Variants in PREX1 observed in about 807,000 individuals in gnomAD.
PREX1 encodes the protein phosphatidylinositol-3,4,5-trisphosphate dependent Rac exchange factor 1.
A neutral mutation model predicts 198.3 loss-of-function variants in PREX1; 41 were observed. The ratio of observed to expected loss-of-function variants is 0.21; its 90% CI spans 0.16 to 0.27. The LOEUF (loss-of-function observed/expected upper bound fraction) is 0.27. Ranked by LOEUF, PREX1 falls within the 10% of genes least tolerant of loss-of-function variation. The pLI, the probability that PREX1 is intolerant of heterozygous loss-of-function variation, is 1.00. For synonymous variants in PREX1, 843 were observed against 887.2 expected, an observed-to-expected ratio of 0.95 and a Z score of 0.89; for missense variants, 1,620 against 2,200.7, an observed-to-expected ratio of 0.74 and a Z score of 5.28.
At chr20:48,712,400 G>A (rs2089936062) in intron 5 of PREX1, among the ~76,000 whole-genome samples, 1 of 152,066 alleles carries the variant, frequency 6.6e-6, no homozygotes, top group African/African-American at 2.4e-5. Context: ...CAACAAATAG[G>A]AAGCTCTCAC....
At chr20:48,825,494 C>A (rs913932602) in intron 1 of PREX1, among the ~76,000 whole-genome samples, 6 of 151,408 alleles carry the variant, frequency 4.0e-5, no homozygotes, top group Admixed American at 2.0e-4. Flanking sequence ...GTAGAGAAAT[C>A]TTTTTTTTTC....
intron 7 of PREX1, among the ~76,000 whole-genome samples, chr20:48,693,433 C>G (rs564848106): frequency 2.0e-5 from 3 of 152,162 alleles, no homozygotes; most frequent in Non-Finnish European, 4.4e-5. Flanking sequence ...AAAGAGGCCC[C>G]AGAGAGCTGG....
intron 6 of PREX1, 118 bp from the exon 7 acceptor site, chr20:48,701,004 G>T: frequency 7.4e-7 from 1 of 1,353,326 alleles, no homozygotes; most frequent in Non-Finnish European, 1.0e-6. Flanking sequence ...CAGCAAGTCT[G>T]TCAATGGACA....
chr20:48,662,062 CG>C (rs1029604275), intron 15 of PREX1, among the ~76,000 whole-genome samples: 3 of 152,132 alleles, frequency 2.0e-5, no homozygotes, highest in African/African-American at 7.2e-5. Context: ...GGAAAGCAGC[CG>C]GGGGCATTTC....
chr20:48,739,161 C>T lies in PREX1; in HGVS notation c.415-4511G>A, dbSNP rs556514057. On this transcript the variant is annotated intron_variant, in intron 3 of 39. Transcript: ENST00000371941. Reference sequence around the variant, plus strand: ...TCTATCACTCACTCTGCTCTGGCCACGCCAGTCTCCCTTCTTCTCTCAAAT... The same window carrying T: ...TCTATCACTCACTCTGCTCTGGCCATGCCAGTCTCCCTTCTTCTCTCAAAT... Among the ~76,000 whole-genome samples, 330 of 152,278 alleles carry T rather than the reference C, an allele frequency of 2.2e-3. 1 individual carries two copies. The highest frequency in any genetic ancestry group is 3.5e-3 in the Non-Finnish European group (240 of 68,022).
Position 48,625,867 on chromosome 20 carries a change from C to T in PREX1, c.*18G>A, listed in dbSNP as rs749235526. 5 of 1,557,136 alleles carry T rather than the reference C, an allele frequency of 3.2e-6. No individual in the cohort carries two copies. Among genetic ancestry groups the T allele is most frequent in the East Asian group, 2.5e-5 (1 of 40,292 alleles). On this transcript the variant is annotated 3_prime_UTR_variant, in exon 40 of 40. Transcript: ENST00000371941. ...CCCAGCTCCAGAGGCCGCGGCCCAGCGTGGGGCATTTGGGTGTTCAGAGGT... is the reference window on the plus strand; with the variant it reads ...CCCAGCTCCAGAGGCCGCGGCCCAGTGTGGGGCATTTGGGTGTTCAGAGGT...
chr20:48,768,650 C>T lies in PREX1; in HGVS notation c.220-20770G>A, dbSNP rs192452672. On this transcript the variant is annotated intron_variant, in intron 1 of 39. Transcript: ENST00000371941. ...CTCTGCTAAAAATATAAAAATTAGCCAGGCATGGTGGCTACTCAGGAGACT... is the reference window on the plus strand; with the variant it reads ...CTCTGCTAAAAATATAAAAATTAGCTAGGCATGGTGGCTACTCAGGAGACT... 1.5e-3 allele frequency among the ~76,000 whole-genome samples: 221 copies of T among 152,154 alleles called. 2 individuals carry two copies. The highest frequency in any genetic ancestry group is 6.8e-3 in the Middle Eastern group (2 of 294).
intron 1 of PREX1, among the ~76,000 whole-genome samples, chr20:48,777,929 A>G (rs2090270665): frequency 6.6e-6 from 1 of 152,160 alleles, no homozygotes; most frequent in African/African-American, 2.4e-5. Flanking sequence ...CGTCTACACC[A>G]GGGGCTACAA....
chr20:48,661,528 T>C (rs1255857196), intron 15 of PREX1, among the ~76,000 whole-genome samples: 1 of 99,212 alleles, frequency 1.0e-5, no homozygotes, highest in Non-Finnish European at 2.1e-5. Flanking sequence ...ATATATATAA[T>C]GTGTGTGTGT....
In PREX1 at chr20:48,666,290, C is replaced by A; in HGVS notation, c.1731G>T (p.Met577Ile). The change falls in exon 15 of 40, where the codon ATG becomes ATT. Residue 577 changes from methionine (M) to isoleucine (I), a missense_variant. Around this residue, in one of 7 missense-constraint regions of PREX1, gnomAD observed 488 missense variants for 802.5 expected, o/e 0.61. Coordinates refer to ENST00000371941, the MANE Select transcript of PREX1 (RefSeq NM_020820.4). The surrounding 1 kb of genome is among the most constrained non-coding windows in gnomAD (Gnocchi z 4.3). ...LGVGLCNNGF[M>I]HHVLEKSEFR... ...GCAGGTGGGGGTGGTTACCGTGGTG[C>A]ATGAAGCCATTGTTGCACAGACCCA... The A allele has an allele frequency of 6.4e-7, 1 of 1,566,434 alleles. No homozygotes were observed. The highest frequency in any genetic ancestry group is 1.4e-5 in the African/African-American group (1 of 73,632).
chr20:48,817,279 G>C (rs1274218841), intron 1 of PREX1, among the ~76,000 whole-genome samples: 5 of 152,196 alleles, frequency 3.3e-5, no homozygotes, highest in Admixed American at 2.6e-4. Context: ...TGCCTTCAGA[G>C]TGCACAGACC....
chr20:48,811,899 C>G lies in PREX1; in HGVS notation c.219+15743G>C, dbSNP rs1231800906. Among the ~76,000 whole-genome samples the G allele has an allele frequency of 2.0e-5, 3 of 152,230 alleles. 1 individual carries two copies. The highest frequency in any genetic ancestry group is 4.4e-5 in the Non-Finnish European group (3 of 68,038). Reference sequence around the variant, plus strand: ...TAGCTGTTGGACAAAAGCAGACTATCACGGAATAGGAGTCAGAAAACCTGG... The same window carrying G: ...TAGCTGTTGGACAAAAGCAGACTATGACGGAATAGGAGTCAGAAAACCTGG... On this transcript the variant is annotated intron_variant, in intron 1 of 39. Coordinates refer to ENST00000371941, the MANE Select transcript of PREX1 (RefSeq NM_020820.4).
Position 48,650,195 on chromosome 20 carries a change from T to G in PREX1, c.2829A>C (p.Gln943His). ...RIACYQEFAA[Q>H]LKSRVSPPFK... ...AGGGTGGGCTGACCCTGCTCTTCAG[T>G]TGGGCTGCAAACTGAGAAAGTGGAG... Residue 943 changes from glutamine (Q) to histidine (H), a missense_variant, in exon 24 of 40, where the codon CAA becomes CAC. By Grantham distance (24) the Gln-to-His change is conservative. Transcript: ENST00000371941. 1.2e-6 allele frequency: 2 copies of G among 1,612,430 alleles called. No individual in the cohort carries two copies. The highest frequency in any genetic ancestry group is 1.7e-5 in the Admixed American group (1 of 60,000).
intron 1 of PREX1, among the ~76,000 whole-genome samples, chr20:48,816,011 A>G (rs1414673137): frequency 6.9e-6 from 1 of 144,288 alleles, no homozygotes; most frequent in Non-Finnish European, 1.5e-5. Flanking sequence ...CTCTGTCTCA[A>G]AAAAAAAAGA....
intron 1 of PREX1, among the ~76,000 whole-genome samples, chr20:48,776,269 A>C (rs2122901184): frequency 6.6e-6 from 1 of 152,282 alleles, no homozygotes; most frequent in Middle Eastern, 3.4e-3. Flanking sequence ...CCTGGACCAC[A>C]ACCTCAGGGC....
At position 48,650,194 on chromosome 20, in the gene PREX1, G is replaced by C; in HGVS notation, c.2830C>G (p.Leu944Val). The C allele has an allele frequency of 6.2e-7, 1 of 1,612,492 alleles. No individual in the cohort carries two copies. Among genetic ancestry groups the C allele is most frequent in the Non-Finnish European group, 8.5e-7 (1 of 1,179,184 alleles). ...AAGGGTGGGCTGACCCTGCTCTTCAGTTGGGCTGCAAACTGAGAAAGTGGA... is the reference window on the plus strand; with the variant it reads ...AAGGGTGGGCTGACCCTGCTCTTCACTTGGGCTGCAAACTGAGAAAGTGGA... ...IACYQEFAAQ[L>V]KSRVSPPFKQ... Residue 944 changes from leucine (L) to valine (V), a missense_variant, in exon 24 of 40, where the codon CTG becomes GTG. Transcript: ENST00000371941.
the PREX1 span, among the ~76,000 whole-genome samples, chr20:48,850,852 A>G: frequency 6.6e-6 from 1 of 152,076 alleles, no homozygotes. Flanking sequence ...ACTCCTCTTC[A>G]TCTTCTAAAT....
At chr20:48,713,906 C>CA (rs898550797) in intron 5 of PREX1, among the ~76,000 whole-genome samples, 1 of 141,858 alleles carries the variant, frequency 7.0e-6, no homozygotes, top group Non-Finnish European at 1.6e-5. Context: ...CAATGCATAT[C>CA]AAAAAAAATT....
At chr20:48,834,177 G>C in the PREX1 span, among the ~76,000 whole-genome samples, 1 of 152,084 alleles carries the variant, frequency 6.6e-6, no homozygotes, top group African/African-American at 2.4e-5. Context: ...GGTTTATAAC[G>C]TGAAGGCTGG....
Sources: allele counts gnomAD v4.1 joint callset (sites outside exome capture counted in the v4.1 genomes callset), GRCh38; gene constraint gnomAD v4.1.1; regional missense constraint gnomAD v4.1.1; non-coding constraint Gnocchi (gnomAD v3.1); transcripts MANE v1.5; gene names NCBI Gene and HGNC (gene_info 2026-07-23, HGNC 2026-07-21).